Variants in VWA8 observed in about 807,000 individuals in gnomAD.
VWA8 encodes von Willebrand factor A domain containing 8.
In VWA8, 221 loss-of-function variants were observed where a neutral mutation model predicts 241.5. The observed-to-expected ratio is 0.91, with a 90% CI of 0.82 to 1.02. The LOEUF is 1.02. Among genes scored for constraint, VWA8 ranks in the 50% least tolerant of loss-of-function variants. The pLI is 0.00. For synonymous variants in VWA8, 852 were observed against 827.1 expected (o/e 1.03, Z -0.52); for missense variants, 2,322 against 2,328.7 (o/e 1.00, Z 0.06).
In VWA8 at chr13:41,790,229, GC is replaced by G. The variant is rs572446286; in HGVS notation, c.2064-2687del. ...AATAAATCCCCAAATAGTCTTTCCTGCAAGCAAAACGATTCTTCCAGACAAC... is the reference window on the plus strand; with the variant it reads ...AATAAATCCCCAAATAGTCTTTCCTGAAGCAAAACGATTCTTCCAGACAAC... On this transcript the variant is annotated intron_variant, in intron 17 of 44. Transcript: ENST00000379310. 9.9e-4 allele frequency among the ~76,000 whole-genome samples: 151 copies of G among 152,138 alleles called. 1 individual carries two copies. The highest frequency in any genetic ancestry group is 2.4e-3 in the Admixed American group (37 of 15,266).
rs1258684416 is a variant in VWA8 at position 41,814,243 on chromosome 13, A to C, written c.1947+2455T>G. 3.3e-5 allele frequency among the ~76,000 whole-genome samples: 5 copies of C among 152,210 alleles called. No individual in the cohort carries two copies. The South Asian group carries it at 1.0e-3, about 31-fold the overall frequency. On this transcript the variant is annotated intron_variant, in intron 16 of 44. Transcript: ENST00000379310. ...AGGAGCTCAAATAGCAACTGGGGAA[A>C]TAAAAGTAAATTATAATACAACTGC...
intron 15 of VWA8, among the ~76,000 whole-genome samples, chr13:41,817,619 T>C (rs116860852): frequency 0.013 from 2,006 of 152,310 alleles, 24 homozygotes; most frequent in Middle Eastern, 0.051. Flanking sequence ...TATGATGTAA[T>C]AAATAGTATT....
intron 4 of VWA8, among the ~76,000 whole-genome samples, chr13:41,897,270 T>G (rs1273134704): frequency 1.3e-5 from 2 of 151,772 alleles, no homozygotes; most frequent in Non-Finnish European, 2.9e-5. Context: ...CAGACATTTC[T>G]CAAAAGAAGA....
chr13:41,779,082 C>T (rs1212357052), intron 19 of VWA8, among the ~76,000 whole-genome samples: 3 of 150,704 alleles, frequency 2.0e-5, no homozygotes, highest in Non-Finnish European at 4.4e-5. Flanking sequence ...ACCTCGTGAT[C>T]TGCCTGCCTC....
intron 17 of VWA8, among the ~76,000 whole-genome samples, chr13:41,806,116 C>T (rs1177280579): frequency 6.6e-6 from 1 of 150,966 alleles, no homozygotes; most frequent in Non-Finnish European, 1.5e-5. Context: ...GGAAACTAAA[C>T]AATAGGCTCC....
chr13:41,865,573 A>G, intron 12 of VWA8, 163 bp downstream of exon 12: 3 of 721,324 alleles, frequency 4.2e-6, no homozygotes, highest in African/African-American at 3.6e-5. Flanking sequence ...CAAAAGCTCC[A>G]AAGAATTATA....
At chr13:41,574,116 A>G (rs2044334398) in intron 43 of VWA8, among the ~76,000 whole-genome samples, 2 of 152,202 alleles carry the variant, frequency 1.3e-5, no homozygotes, top group South Asian at 4.2e-4. Flanking sequence ...CAAAAATTAA[A>G]AATAAACTTG....
intron 9 of VWA8, 28 bp downstream of exon 9, chr13:41,883,359 A>C: frequency 6.4e-7 from 1 of 1,564,070 alleles, no homozygotes; most frequent in South Asian, 1.1e-5. Flanking sequence ...TGGGAAAAGA[A>C]AGGAAAGAAA....
chr13:41,568,445 A>G, intron 44 of VWA8, 140 bp from the exon 45 acceptor site: 1 of 583,404 alleles, frequency 1.7e-6, no homozygotes, highest in South Asian at 2.4e-5. Flanking sequence ...TCTGCCTACC[A>G]TTGAATTAGT....
At chr13:41,774,839 T>A (rs1868515456) in intron 20 of VWA8, among the ~76,000 whole-genome samples, 1 of 152,166 alleles carries the variant, frequency 6.6e-6, no homozygotes, top group South Asian at 2.1e-4. Flanking sequence ...ATCACACATA[T>A]CAATTTACTC....
chr13:41,812,113 C>A (rs2137975489), intron 16 of VWA8, among the ~76,000 whole-genome samples: 1 of 152,204 alleles, frequency 6.6e-6, no homozygotes, highest in African/African-American at 2.4e-5. Flanking sequence ...AATAGTAATG[C>A]CCTCACCTTT....
intron 3 of VWA8, among the ~76,000 whole-genome samples, chr13:41,910,717 G>A (rs1220536726): frequency 1.3e-5 from 2 of 152,046 alleles, no homozygotes; most frequent in African/African-American, 2.4e-5. Flanking sequence ...ACAGTGGCAC[G>A]TTTTACCTCA....
intron 24 of VWA8, among the ~76,000 whole-genome samples, chr13:41,725,786 T>C (rs2045428294): frequency 6.6e-6 from 1 of 152,154 alleles, no homozygotes; most frequent in Non-Finnish European, 1.5e-5. Flanking sequence ...TAAAAAGAAC[T>C]CAAACCTCTT....
chr13:41,942,464 C>T (rs1192008535), intron 2 of VWA8, among the ~76,000 whole-genome samples: 3 of 152,182 alleles, frequency 2.0e-5, no homozygotes, highest in African/African-American at 7.2e-5. Context: ...ACTTTCACCC[C>T]TGGTAGAATG....
intron 1 of VWA8, among the ~76,000 whole-genome samples, chr13:41,954,214 T>G (rs1430974515): frequency 6.6e-6 from 1 of 152,040 alleles, no homozygotes; most frequent in Non-Finnish European, 1.5e-5. Context: ...AAGGGTACTC[T>G]TCAAACACCA....
Position 41,721,567 on chromosome 13 carries a change from A to C in VWA8, c.2767T>G (p.Phe923Val). 6.2e-7 allele frequency: 1 copy of C among 1,612,500 alleles called. No individual in the cohort carries two copies. Among genetic ancestry groups the C allele is most frequent in the South Asian group, 1.1e-5 (1 of 90,936 alleles). ...GGGTTATCAACTGCATGGCAGCTAAAAATATCACCTAAAGGAGAGAAAAGA... is the reference window on the plus strand; with the variant it reads ...GGGTTATCAACTGCATGGCAGCTAACAATATCACCTAAAGGAGAGAAAAGA... ...NDFFGTLGDI[F>V]SCHAVDNPKP... is the part of the protein sequence containing the mutation. Residue 923 changes from phenylalanine to valine, a missense_variant, in exon 25 of 45, where the codon TTT becomes GTT. Phe to Val is a conservative substitution (Grantham distance 50, BLOSUM62 -1). Coordinates refer to ENST00000379310, the MANE Select transcript of VWA8 (RefSeq NM_015058.2).
intron 12 of VWA8, among the ~76,000 whole-genome samples, chr13:41,847,464 A>G (rs1219349662): frequency 6.6e-6 from 1 of 152,216 alleles, no homozygotes; most frequent in Admixed American, 6.5e-5. Context: ...AAGAAGCCAG[A>G]CAGATTTAAG....
intron 37 of VWA8, among the ~76,000 whole-genome samples, chr13:41,626,277 A>C (rs1042853904): frequency 5.3e-5 from 8 of 152,146 alleles, no homozygotes; most frequent in African/African-American, 1.9e-4. Context: ...GATGACACAA[A>C]CAAATGGAAA....
intron 37 of VWA8, among the ~76,000 whole-genome samples, chr13:41,654,526 C>T (rs1336051455): frequency 6.6e-6 from 1 of 152,202 alleles, no homozygotes; most frequent in East Asian, 1.9e-4. Context: ...AAGGAGGACA[C>T]AATTTACATT....
Sources: gnomAD v4.1 joint callset for allele counts (sites outside exome capture counted in the v4.1 genomes callset) on GRCh38, gnomAD v4.1.1 for gene constraint, MANE v1.5 for transcripts, NCBI Gene and HGNC (gene_info 2026-07-23, HGNC 2026-07-21) for gene names.